VWA3B: variants seen among roughly 807,000 people sequenced by gnomAD.
The protein encoded by VWA3B is von Willebrand factor A domain-containing protein 3B.
VWA3B carries 138 observed loss-of-function variants against 158.3 expected under a neutral mutation model. The observed-to-expected ratio is 0.87, with a 90% confidence interval of 0.76 to 1.00. The LOEUF is 1.00. Ranked by LOEUF, VWA3B falls within the 50% of genes least tolerant of loss-of-function variation. The pLI, the probability that VWA3B is intolerant of heterozygous loss-of-function variation, is 0.00. For missense variants in VWA3B, 1,555 were observed against 1,565.1 expected (o/e 0.99, Z 0.11); for synonymous variants, 596 against 587.3 (o/e 1.01, Z -0.21).
intron 2 of VWA3B, among the ~76,000 whole-genome samples, chr2:98,114,687 T>G (rs560790335): frequency 3.9e-5 from 6 of 152,290 alleles, no homozygotes; most frequent in African/African-American, 1.2e-4. Context: ...AAAAAACATC[T>G]CTGTGAAGCC....
chr2:98,311,541 G>A (rs1039149172), intron 26 of VWA3B, among the ~76,000 whole-genome samples: 4 of 152,178 alleles, frequency 2.6e-5, no homozygotes, highest in African/African-American at 9.7e-5. Context: ...GGGCTTTTGG[G>A]CTGGGAGTTG....
chr2:98,169,941 A>T (rs557502139), intron 8 of VWA3B, among the ~76,000 whole-genome samples: 13 of 152,186 alleles, frequency 8.5e-5, no homozygotes, highest in Admixed American at 1.3e-4. Context: ...CGACATGGCA[A>T]AACCCCGCCT....
chr2:98,156,909 G>A (rs930918957), intron 7 of VWA3B, among the ~76,000 whole-genome samples: 3 of 152,108 alleles, frequency 2.0e-5, no homozygotes, highest in African/African-American at 7.2e-5. Flanking sequence ...TAGCATCCTG[G>A]AGTCTGCGGT....
In VWA3B at chr2:98,124,551, G is replaced by A. The variant is rs146260654; in HGVS notation, c.702+3093G>A. Among the ~76,000 whole-genome samples, 180 of 152,306 alleles carry A rather than the reference G, an allele frequency of 1.2e-3. 1 individual carries two copies. The highest frequency in any genetic ancestry group is 3.4e-3 in the Middle Eastern group (1 of 294). On this transcript the variant is annotated intron_variant, in intron 5 of 27. Transcript: ENST00000477737. Reference sequence around the variant, plus strand: ...GATGAAATGGGCTGAGACAGCAGAGGGTTCCCACAGGTACAGGGAGGATTT... The same window carrying A: ...GATGAAATGGGCTGAGACAGCAGAGAGTTCCCACAGGTACAGGGAGGATTT...
In VWA3B at chr2:98,234,707, A is replaced by C; in HGVS notation, c.2368A>C (p.Ser790Arg). 2 of 1,614,190 alleles carry C rather than the reference A, an allele frequency of 1.2e-6. No homozygotes were observed. Among genetic ancestry groups the C allele is most frequent in the Non-Finnish European group, 1.7e-6 (2 of 1,180,018 alleles). The change falls in exon 17 of 28, where the codon AGT becomes CGT. Residue 790 changes from serine to arginine, a missense_variant. Ser to Arg is a moderately radical substitution (Grantham distance 110, BLOSUM62 -1). Transcript: ENST00000477737. ...QMSSLRSSAC[S>R]ERKDGLSNAS... is the part of the protein sequence containing the mutation. ...GTCCTCCCTCAGGAGCTCAGCTTGC[A>C]GTGAAAGGAAGGATGGCCTCTCCAA... is the stretch of plus-strand genomic sequence containing the variant.
chr2:98,301,377 A>G (rs2105988795), intron 25 of VWA3B, among the ~76,000 whole-genome samples: 1 of 151,974 alleles, frequency 6.6e-6, no homozygotes, highest in East Asian at 1.9e-4. Context: ...GTCTGACCTG[A>G]GCAGGTTGCT....
chr2:98,271,208 G>A (rs1263652273), intron 22 of VWA3B, among the ~76,000 whole-genome samples: 1 of 152,080 alleles, frequency 6.6e-6, no homozygotes, highest in Non-Finnish European at 1.5e-5. Context: ...TAACCTGTGT[G>A]TGATTTTGGT....
At chr2:98,271,193 C>G (rs1342857180) in intron 22 of VWA3B, among the ~76,000 whole-genome samples, 1 of 152,040 alleles carries the variant, frequency 6.6e-6, no homozygotes, top group Non-Finnish European at 1.5e-5. Flanking sequence ...CGCAGATCTA[C>G]CATCTAACCT....
chr2:98,109,237 C>A (rs1559539409), intron 2 of VWA3B, among the ~76,000 whole-genome samples: 1 of 152,158 alleles, frequency 6.6e-6, no homozygotes, highest in African/African-American at 2.4e-5. Flanking sequence ...GGTGATCTGA[C>A]AACCTTGGCC....
At chr2:98,261,592 C>T (rs1441886672) in intron 21 of VWA3B, among the ~76,000 whole-genome samples, 1 of 151,696 alleles carries the variant, frequency 6.6e-6, no homozygotes, top group Admixed American at 6.6e-5. Flanking sequence ...GACAGGTCTA[C>T]TAGTAACAAA....
chr2:98,319,788 G>C, the VWA3B span, among the ~76,000 whole-genome samples: 4 of 152,036 alleles, frequency 2.6e-5, no homozygotes, highest in East Asian at 7.7e-4. Flanking sequence ...GCTGAGGCAT[G>C]AGAATGGCTT....
intron 19 of VWA3B, among the ~76,000 whole-genome samples, chr2:98,242,732 A>G (rs1310788010): frequency 6.8e-6 from 1 of 148,050 alleles, no homozygotes; most frequent in African/African-American, 2.5e-5. Context: ...ATCATATACT[A>G]GGTTCTGAGT....
At chr2:98,136,932 C>T (rs1676331213) in intron 7 of VWA3B, among the ~76,000 whole-genome samples, 3 of 152,192 alleles carry the variant, frequency 2.0e-5, no homozygotes, top group Admixed American at 6.5e-5. Flanking sequence ...GCTTATTTCA[C>T]TTAGCGTAAT....
intron 2 of VWA3B, among the ~76,000 whole-genome samples, chr2:98,105,734 AAC>A (rs964921725): frequency 2.0e-5 from 3 of 151,408 alleles, no homozygotes; most frequent in Admixed American, 6.6e-5. Context: ...TCTCTTAAAA[AAC>A]ACACACACAC....
intron 7 of VWA3B, among the ~76,000 whole-genome samples, chr2:98,150,712 G>A (rs1677553517): frequency 1.3e-5 from 2 of 152,154 alleles, no homozygotes; most frequent in South Asian, 4.1e-4. Flanking sequence ...CATGGTGTCT[G>A]GTTTCCCCAC....
chr2:98,249,132 G>A (rs1470823127), intron 19 of VWA3B, among the ~76,000 whole-genome samples: 1 of 152,002 alleles, frequency 6.6e-6, no homozygotes, highest in Non-Finnish European at 1.5e-5. Context: ...TGACAGTATA[G>A]CTTGGCATTT....
At chr2:98,326,889 G>T in the VWA3B span, among the ~76,000 whole-genome samples, 9 of 152,022 alleles carry the variant, frequency 5.9e-5, no homozygotes, top group African/African-American at 1.9e-4. Flanking sequence ...AAGATAAACA[G>T]ATTCTCAACC....
In VWA3B at chr2:98,256,972, A is replaced by G. The variant is rs530594464; in HGVS notation, c.2843+798A>G. 1.9e-4 allele frequency among the ~76,000 whole-genome samples: 29 copies of G among 152,202 alleles called. No homozygotes were observed. The South Asian group carries it at 6.0e-3, about 32-fold the overall frequency. On this transcript the variant is annotated intron_variant, in intron 21 of 27. Coordinates refer to ENST00000477737, the MANE Select transcript of VWA3B (RefSeq NM_144992.5). ...ACATTTCAAGTTGTCTCTTTTAGCTATTTTGAAATATACAGTAAATTATTG... is the reference window on the plus strand; with the variant it reads ...ACATTTCAAGTTGTCTCTTTTAGCTGTTTTGAAATATACAGTAAATTATTG...
intron 7 of VWA3B, among the ~76,000 whole-genome samples, chr2:98,137,513 G>T (rs371454605): frequency 2.0e-5 from 3 of 152,212 alleles, no homozygotes; most frequent in African/African-American, 7.2e-5. Flanking sequence ...ATAAAGACAG[G>T]CTCCAACAAG....
Sources: allele counts gnomAD v4.1 joint callset (sites outside exome capture counted in the v4.1 genomes callset), GRCh38; gene constraint gnomAD v4.1.1; transcripts MANE v1.5; gene names NCBI Gene and HGNC (gene_info 2026-07-23, HGNC 2026-07-21).